The following TAF4B variants were observed in gnomAD, a reference collection of about 807,000 sequenced individuals.
TAF4B encodes the protein transcription initiation factor TFIID subunit 4B.
Under a neutral mutation model 86.4 loss-of-function variants are expected in TAF4B, and 38 were observed. The observed-to-expected ratio is 0.44, with a 90% CI of 0.34 to 0.58. The LOEUF (loss-of-function observed/expected upper bound fraction) is 0.58. Ranked by LOEUF, TAF4B falls within the 20% of genes least tolerant of loss-of-function variation. TAF4B has a pLI of 0.02. For synonymous variants in TAF4B, 388 were observed against 391.2 expected, an observed-to-expected ratio of 0.99 and a Z score of 0.10; for missense variants, 988 against 1,027.6, an observed-to-expected ratio of 0.96 and a Z score of 0.53.
At chr18:26,385,519 A>T (rs1299046978) in intron 14 of TAF4B, among the ~76,000 whole-genome samples, 1 of 151,766 alleles carries the variant, frequency 6.6e-6, no homozygotes, top group Non-Finnish European at 1.5e-5. Flanking sequence ...GCTTCCTAGG[A>T]CATCTTTTGT....
chr18:26,297,666 T>TG (rs35323616), intron 9 of TAF4B, among the ~76,000 whole-genome samples: 31,664 of 152,112 alleles, frequency 0.21, 4,139 homozygotes, highest in Non-Finnish European at 0.3. Context: ...TATCAGTAGT[T>TG]GCATTTTTTA....
intron 14 of TAF4B, among the ~76,000 whole-genome samples, chr18:26,379,045 CTT>C (rs1297874304): frequency 6.6e-6 from 1 of 152,122 alleles, no homozygotes; most frequent in African/African-American, 2.4e-5. Context: ...TTTCATTCCT[CTT>C]TGCTAAATAC....
At chr18:26,316,254 A>G (rs2056910633) in intron 10 of TAF4B, among the ~76,000 whole-genome samples, 1 of 152,200 alleles carries the variant, frequency 6.6e-6, no homozygotes, top group Non-Finnish European at 1.5e-5. Context: ...TTCGATTTTT[A>G]TAGACCTATG....
At chr18:26,249,972 C>T (rs2055980995) in intron 1 of TAF4B, among the ~76,000 whole-genome samples, 1 of 152,188 alleles carries the variant, frequency 6.6e-6, no homozygotes, top group African/African-American at 2.4e-5. Context: ...ATCCACCTGC[C>T]TTGGTCTCCC....
chr18:26,319,642 C>T (rs1034822271), intron 10 of TAF4B, among the ~76,000 whole-genome samples: 8 of 151,654 alleles, frequency 5.3e-5, no homozygotes, highest in Non-Finnish European at 1.2e-4. Flanking sequence ...CAGGCTGGAG[C>T]GCAATGGTGC....
rs1385706586 is a variant in TAF4B, at chr18:26,272,738, A to G, written c.598-1925A>G. On this transcript the variant is annotated intron_variant, in intron 3 of 14. Coordinates refer to ENST00000269142, the MANE Select transcript of TAF4B (RefSeq NM_005640.3). The stretch of plus-strand genomic sequence containing the variant: ...GAGAGTTAATGACTGATTATAAGAT[A>G]GACTAAAGAAAGAGGCTTATTTACT... Among the ~76,000 whole-genome samples, 4 of 152,302 alleles carry G rather than the reference A, an allele frequency of 2.6e-5. No individual in the cohort carries two copies. The East Asian group carries it at 5.8e-4, about 22-fold the overall frequency.
chr18:26,324,768 G>GTA (rs995679604), intron 11 of TAF4B, among the ~76,000 whole-genome samples: 12 of 152,078 alleles, frequency 7.9e-5, no homozygotes, highest in Non-Finnish European at 1.5e-4. Context: ...CTACATTTGC[G>GTA]TATATATAAA....
chr18:26,336,162 C>T (rs755062311), intron 13 of TAF4B, among the ~76,000 whole-genome samples: 1 of 152,082 alleles, frequency 6.6e-6, no homozygotes, highest in Non-Finnish European at 1.5e-5. Context: ...AGGTGTGAGA[C>T]GTGTGATATG....
intron 1 of TAF4B, among the ~76,000 whole-genome samples, chr18:26,259,238 G>T (rs1275118482): frequency 2.0e-5 from 3 of 150,172 alleles, no homozygotes; most frequent in Admixed American, 2.0e-4. Flanking sequence ...GCCTATGTTG[G>T]TGTCTTTAAT....
At chr18:26,261,814 C>T (rs1456953414) in intron 1 of TAF4B, among the ~76,000 whole-genome samples, 1 of 152,176 alleles carries the variant, frequency 6.6e-6, no homozygotes, top group Admixed American at 6.5e-5. Context: ...CATGAAGCTA[C>T]CAGCCTCGTC....
chr18:26,339,154 A>T (rs2057116541), intron 13 of TAF4B, among the ~76,000 whole-genome samples: 1 of 152,198 alleles, frequency 6.6e-6, no homozygotes, highest in Admixed American at 6.5e-5. Flanking sequence ...TTGCCTGAAA[A>T]AACATTATAA....
chr18:26,353,138 A>G (rs560280966), intron 13 of TAF4B, among the ~76,000 whole-genome samples: 3 of 152,198 alleles, frequency 2.0e-5, no homozygotes, highest in African/African-American at 7.2e-5. Context: ...ACTACAGGCT[A>G]ATATCTCTTA....
intron 9 of TAF4B, among the ~76,000 whole-genome samples, chr18:26,307,582 A>G (rs550487500): frequency 6.6e-6 from 1 of 152,228 alleles, no homozygotes; most frequent in East Asian, 1.9e-4. Flanking sequence ...GATAATATCT[A>G]TATACTATAT....
chr18:26,270,888 A>T (rs922814858), intron 3 of TAF4B, among the ~76,000 whole-genome samples: 1 of 152,228 alleles, frequency 6.6e-6, no homozygotes, highest in Admixed American at 6.5e-5. Flanking sequence ...CAATAGAAAT[A>T]ATTGAAATTT....
intron 9 of TAF4B, among the ~76,000 whole-genome samples, chr18:26,303,603 C>T (rs970195051): frequency 8.1e-6 from 1 of 122,926 alleles, no homozygotes; most frequent in Non-Finnish European, 1.7e-5. Flanking sequence ...CACTTTCATC[C>T]TCCCTCCACT....
At chr18:26,341,286 C>A (rs540981280) in intron 13 of TAF4B, among the ~76,000 whole-genome samples, 21 of 152,094 alleles carry the variant, frequency 1.4e-4, no homozygotes, top group African/African-American at 4.8e-4. Context: ...AAAGAAAAAA[C>A]CAGTAGTTTA....
intron 9 of TAF4B, among the ~76,000 whole-genome samples, chr18:26,295,574 G>A (rs1474486384): frequency 6.6e-6 from 1 of 152,182 alleles, no homozygotes; most frequent in Non-Finnish European, 1.5e-5. Flanking sequence ...ATGCTCGCTT[G>A]CGCACCTCTC....
intron 6 of TAF4B, among the ~76,000 whole-genome samples, chr18:26,283,115 A>T (rs2056470055): frequency 6.6e-6 from 1 of 152,106 alleles, no homozygotes; most frequent in Non-Finnish European, 1.5e-5. Flanking sequence ...GTTAGTGTTG[A>T]TATTTTGATC....
chr18:26,375,054 A>T (rs567013480), intron 14 of TAF4B, among the ~76,000 whole-genome samples: 1 of 152,192 alleles, frequency 6.6e-6, no homozygotes, highest in Non-Finnish European at 1.5e-5. Flanking sequence ...ACAAAGAAAT[A>T]GCTTGTTTAT....
Sources: gnomAD v4.1 joint callset for allele counts (sites outside exome capture counted in the v4.1 genomes callset) on GRCh38, gnomAD v4.1.1 for gene constraint, MANE v1.5 for transcripts, NCBI Gene and HGNC (gene_info 2026-07-23, HGNC 2026-07-21) for gene names.